ATP6V1D: variants seen among roughly 807,000 people sequenced by gnomAD.
ATP6V1D encodes V-type proton ATPase subunit D.
Under a neutral mutation model 39.4 loss-of-function variants are expected in ATP6V1D, and 20 were observed. The ratio of observed to expected loss-of-function variants is 0.51; its 90% CI spans 0.36 to 0.74. The LOEUF (loss-of-function observed/expected upper bound fraction) is 0.74. Ranked by LOEUF, ATP6V1D falls within the 30% of genes least tolerant of loss-of-function variation. The pLI is 0.00. For synonymous variants in ATP6V1D, 100 were observed against 100.5 expected, an observed-to-expected ratio of 0.99 and a Z score of 0.03; for missense variants, 228 against 291.6, an observed-to-expected ratio of 0.78 and a Z score of 1.59.
intron 5 of ATP6V1D, among the ~76,000 whole-genome samples, chr14:67,346,733 C>G (rs1262203304): frequency 2.6e-5 from 4 of 152,178 alleles, no homozygotes; most frequent in Non-Finnish European, 4.4e-5. Context: ...CTATAAAAAT[C>G]TAGAAAGAAT....
chr14:67,353,278 G>C (rs562590562), intron 1 of ATP6V1D, among the ~76,000 whole-genome samples: 1 of 152,202 alleles, frequency 6.6e-6, no homozygotes, highest in Non-Finnish European at 1.5e-5. Flanking sequence ...ATCAAGAGAT[G>C]ACTGGGTCAT....
At chr14:67,343,345 A>G (rs917450776) in intron 7 of ATP6V1D, 27 bp downstream of exon 7, 3 of 1,576,800 alleles carry the variant, frequency 1.9e-6, no homozygotes, top group East Asian at 2.2e-5. Flanking sequence ...ACAAGTGACA[A>G]AGCACCTCAC....
Position 67,347,500 on chromosome 14 carries a change from C to CTTTT in ATP6V1D, c.308-48_308-47insAAAA, listed in dbSNP as rs142554896. On this transcript the variant is annotated intron_variant, in intron 4 of 8. Transcript: ENST00000216442. ...ATGGATTCATAAACCTTTAAGTTCT[C>CTTTT]TCTTTTTTTTTTTTTTCTGAGACGG... 1.5e-4 allele frequency: 199 copies of CTTTT among 1,300,802 alleles called. 1 individual carries two copies. The highest frequency in any genetic ancestry group is 9.6e-4 in the Admixed American group (35 of 36,552). The allele number at this position is 1,300,802 out of a possible 1,614,324, so 80.6% of individuals were successfully genotyped here. A position where few individuals can be genotyped will look rare whatever the true frequency, so the allele number is the denominator to read the frequency against.
chr14:67,359,508 G>A, intron 1 of ATP6V1D, 150 bp downstream of exon 1: 7 of 836,288 alleles, frequency 8.4e-6, no homozygotes. Context: ...AGGCCGTCAG[G>A]AAGCCTCGCC....
At chr14:67,340,798 C>G (rs948559089) in intron 7 of ATP6V1D, among the ~76,000 whole-genome samples, 2 of 152,146 alleles carry the variant, frequency 1.3e-5, no homozygotes, top group Non-Finnish European at 2.9e-5. Context: ...CTCAGCCTGC[C>G]GAGTGCCTGC....
chr14:67,354,584 A>G (rs1536272), intron 1 of ATP6V1D, among the ~76,000 whole-genome samples: 23,577 of 152,096 alleles, frequency 0.16, 3,457 homozygotes, highest in East Asian at 0.42. Flanking sequence ...ATCAGAGTTC[A>G]CCTATGATGG....
At chr14:67,345,328 G>A (rs527607279) in intron 6 of ATP6V1D, among the ~76,000 whole-genome samples, 2 of 152,128 alleles carry the variant, frequency 1.3e-5, no homozygotes, top group Admixed American at 6.5e-5. Context: ...AGGCCGAGGC[G>A]GGTGGATCAC....
intron 2 of ATP6V1D, among the ~76,000 whole-genome samples, chr14:67,351,911 C>CAAAAAAA (rs758907410): frequency 7.8e-6 from 1 of 128,118 alleles, no homozygotes; most frequent in African/African-American, 3.2e-5. Flanking sequence ...GAACCTCTAC[C>CAAAAAAA]AAAAAAAAAA....
chr14:67,340,600 A>T lies in ATP6V1D; in HGVS notation c.524-82T>A, dbSNP rs1256018469. 7.7e-6 allele frequency: 9 copies of T among 1,164,210 alleles called. No homozygotes were observed. The Admixed American group carries it at 1.8e-4, about 24-fold the overall frequency. 72.1% of individuals were successfully genotyped at this position (1,164,210 alleles called of 1,614,324 possible). A position where few individuals can be genotyped will look rare whatever the true frequency, so the allele number is the denominator to read the frequency against. ...ATCAGTGCTCATTTGTATAACAGTT[A>T]TTTTTTCCTAATTGTAAAATTAATG... On this transcript the variant is annotated intron_variant, in intron 7 of 8. Coordinates refer to ENST00000216442, the MANE Select transcript of ATP6V1D (RefSeq NM_015994.4).
At chr14:67,355,845 T>C (rs8007868) in intron 1 of ATP6V1D, among the ~76,000 whole-genome samples, 78,938 of 150,882 alleles carry the variant, frequency 0.52, 23,736 homozygotes, top group African/African-American at 0.83. Context: ...AAAAAAAATA[T>C]CAAAATTACC....
chr14:67,338,566 G>A lies in ATP6V1D; in HGVS notation c.*55C>T. 8 of 1,572,656 alleles carry A rather than the reference G, an allele frequency of 5.1e-6. No homozygotes were observed. Among genetic ancestry groups the A allele is most frequent in the Non-Finnish European group, 6.9e-6 (8 of 1,159,284 alleles). On this transcript the variant is annotated 3_prime_UTR_variant, in exon 9 of 9. Transcript: ENST00000216442. ...GCCACACAAATCAAACCTACACACT[G>A]TGAATTAAAATGAAGCCAGTGTTAG...
intron 1 of ATP6V1D, among the ~76,000 whole-genome samples, chr14:67,357,622 A>T (rs369094092): frequency 6.6e-6 from 1 of 152,256 alleles, no homozygotes; most frequent in Admixed American, 6.5e-5. Context: ...AGATAAACCC[A>T]GCCAGACATT....
intron 4 of ATP6V1D, 49 bp from the exon 5 acceptor site, chr14:67,347,502 CT>C (rs71129819): frequency 6.7e-3 from 7,298 of 1,095,124 alleles, no homozygotes; most frequent in Non-Finnish European, 7.2e-3. Context: ...TAAGTTCTCT[CT>C]TTTTTTTTTT....
chr14:67,339,155 C>T (rs1026963632), intron 8 of ATP6V1D, among the ~76,000 whole-genome samples: 1 of 152,058 alleles, frequency 6.6e-6, no homozygotes, highest in African/African-American at 2.4e-5. Context: ...GCTGCCACAC[C>T]TGGCTAATTT....
At chr14:67,340,305 C>A in intron 8 of ATP6V1D, 135 bp downstream of exon 8, 1 of 704,524 alleles carries the variant, frequency 1.4e-6, no homozygotes, top group Non-Finnish European at 2.3e-6. Context: ...AATAATATTT[C>A]TTGCTGCTTA....
At chr14:67,348,426 C>T (rs576223804) in intron 4 of ATP6V1D, among the ~76,000 whole-genome samples, 3 of 151,546 alleles carry the variant, frequency 2.0e-5, no homozygotes, top group African/African-American at 7.3e-5. Flanking sequence ...AGGCTGGTCT[C>T]GAACTCCTGA....
chr14:67,341,165 TG>T (rs1285060312), intron 7 of ATP6V1D, among the ~76,000 whole-genome samples: 1 of 150,498 alleles, frequency 6.6e-6, no homozygotes, highest in African/African-American at 2.5e-5. Context: ...CCCCTCTGCC[TG>T]GCTGCCCAGT....
chr14:67,348,896 G>T (rs2085639749), intron 4 of ATP6V1D, 141 bp downstream of exon 4: 4 of 780,800 alleles, frequency 5.1e-6, no homozygotes, highest in Admixed American at 2.9e-5. Flanking sequence ...GGTTGTTAAT[G>T]ATTTTAACAT....
chr14:67,358,411 T>G (rs2085700712), intron 1 of ATP6V1D, among the ~76,000 whole-genome samples: 1 of 152,158 alleles, frequency 6.6e-6, no homozygotes, highest in Admixed American at 6.5e-5. Context: ...TAACTTTTAT[T>G]TTAAGCATCC....
Sources: allele counts gnomAD v4.1 joint callset (sites outside exome capture counted in the v4.1 genomes callset), GRCh38; gene constraint gnomAD v4.1.1; transcripts MANE v1.5; gene names NCBI Gene and HGNC (gene_info 2026-07-23, HGNC 2026-07-21).